The following CABLES1 variants were observed in gnomAD, a reference collection of about 807,000 sequenced individuals.
The protein encoded by CABLES1 is Cdk5 and Abl enzyme substrate 1, also known as CDK5 and ABL1 enzyme substrate 1.
A neutral mutation model predicts 57.8 loss-of-function variants in CABLES1; 36 were observed. The observed-to-expected ratio is 0.62, with a 90% confidence interval of 0.48 to 0.82. The LOEUF (loss-of-function observed/expected upper bound fraction) is 0.82, where lower values mean the gene tolerates loss of function less well. Ranked by LOEUF, CABLES1 falls within the 40% of genes least tolerant of loss-of-function variation. CABLES1 has a pLI of 0.00. For missense variants in CABLES1, 767 were observed against 836.6 expected, an observed-to-expected ratio of 0.92 and a Z score of 1.03; for synonymous variants, 374 against 363.0, an observed-to-expected ratio of 1.03 and a Z score of -0.35.
rs765151426 is a variant in CABLES1 at position 23,194,523 on chromosome 18, C to T, written c.993C>T (p.His331=). Residue 331 remains histidine, a synonymous_variant, in exon 3 of 10, where the codon CAC becomes CAT. Coordinates refer to ENST00000256925, the MANE Select transcript of CABLES1 (RefSeq NM_001100619.3). ...KIHFIKNMRQ[H]DTRNGRIVLI... ...ATTTTATCAAGAACATGCGGCAACA[C>T]GATACCAGGAATGGCAGGTACTACA... is the stretch of plus-strand genomic sequence containing the variant. 14 of 1,611,290 alleles carry T rather than the reference C, an allele frequency of 8.7e-6. No homozygotes were observed. The highest frequency in any genetic ancestry group is 6.6e-5 in the South Asian group (6 of 91,014).
chr18:23,253,367 C>T (rs1341326506), intron 8 of CABLES1, among the ~76,000 whole-genome samples: 2 of 152,170 alleles, frequency 1.3e-5, no homozygotes, highest in African/African-American at 4.8e-5. Context: ...CCTGTAAGCA[C>T]AGCTACTTGG....
At chr18:23,236,096 G>C in intron 6 of CABLES1, 45 bp downstream of exon 6, 1 of 1,595,102 alleles carries the variant, frequency 6.3e-7, no homozygotes, top group Non-Finnish European at 8.6e-7. Context: ...GTGGGAGGGA[G>C]GTGCCTCCAT....
At chr18:23,194,321 C>T (rs2047266196) in intron 2 of CABLES1, 127 bp from the exon 3 acceptor site, 16 of 605,466 alleles carry the variant, frequency 2.6e-5, no homozygotes, top group South Asian at 1.9e-4. Flanking sequence ...ATTATCCTCG[C>T]GGACTCCTGC....
chr18:23,245,314 C>T (rs1312169292), intron 7 of CABLES1, among the ~76,000 whole-genome samples: 1 of 152,074 alleles, frequency 6.6e-6, no homozygotes, highest in African/African-American at 2.4e-5. Flanking sequence ...TGGAGACCAG[C>T]CTAGCCAACA....
intron 1 of CABLES1, among the ~76,000 whole-genome samples, chr18:23,184,589 G>A (rs1464516435): frequency 6.6e-6 from 1 of 152,082 alleles, no homozygotes; most frequent in African/African-American, 2.4e-5. Flanking sequence ...TGTAATCCCA[G>A]CTACTCGAGA....
At chr18:23,254,974 T>G (rs528624279) in intron 9 of CABLES1, among the ~76,000 whole-genome samples, 68 of 152,298 alleles carry the variant, frequency 4.5e-4, no homozygotes, top group African/African-American at 1.6e-3. Context: ...GAGCCTTGAT[T>G]GTGGTTTTCA....
At position 23,253,637 on chromosome 18, in the gene CABLES1, AAG is replaced by A. The variant is rs1247087644; in HGVS notation, c.1554-88_1554-87del. 13 of 1,076,986 alleles carry A rather than the reference AAG, an allele frequency of 1.2e-5. No homozygotes were observed. The East Asian group carries it at 2.8e-4, about 24-fold the overall frequency. The allele number at this position is 1,076,986 out of a possible 1,614,324, so 66.7% of individuals were successfully genotyped here. On this transcript the variant is annotated intron_variant, in intron 8 of 9. Transcript: ENST00000256925. ...TCCAGATCACCCTCTGGGAAAGAGA[AAG>A]AGAAAAAGCATTCAAGATGGGGGAG...
intron 3 of CABLES1, among the ~76,000 whole-genome samples, chr18:23,208,169 T>TG (rs2047377995): frequency 6.6e-6 from 1 of 152,210 alleles, no homozygotes; most frequent in South Asian, 2.1e-4. Context: ...GCTCCGGCCC[T>TG]GGATTAGCAT....
intron 1 of CABLES1, among the ~76,000 whole-genome samples, chr18:23,175,490 C>G (rs570475404): frequency 6.6e-6 from 1 of 151,944 alleles, no homozygotes; most frequent in Non-Finnish European, 1.5e-5. Context: ...TTCTTTCTTT[C>G]TTTTTTTGCA....
intron 1 of CABLES1, among the ~76,000 whole-genome samples, chr18:23,183,527 A>G (rs1391563378): frequency 6.6e-6 from 1 of 152,364 alleles, no homozygotes; most frequent in East Asian, 1.9e-4. Context: ...TGCCTTACGC[A>G]TGAGCATTAA....
At chr18:23,192,130 A>G (rs1482124095) in intron 2 of CABLES1, among the ~76,000 whole-genome samples, 1 of 152,182 alleles carries the variant, frequency 6.6e-6, no homozygotes, top group Non-Finnish European at 1.5e-5. Context: ...AGAACTGAGC[A>G]TGCGTCATGA....
At chr18:23,161,517 A>G (rs1178135835) in intron 1 of CABLES1, among the ~76,000 whole-genome samples, 1 of 148,276 alleles carries the variant, frequency 6.7e-6, no homozygotes, top group Non-Finnish European at 1.5e-5. Context: ...TGTGTGACCA[A>G]CACTGGACCA....
chr18:23,195,136 G>A (rs182285492), intron 3 of CABLES1, among the ~76,000 whole-genome samples: 6 of 152,306 alleles, frequency 3.9e-5, no homozygotes, highest in African/African-American at 1.4e-4. Context: ...TTATATGACC[G>A]TGATATTAAA....
At chr18:23,141,042 G>A (rs899849528) in intron 1 of CABLES1, among the ~76,000 whole-genome samples, 1 of 152,222 alleles carries the variant, frequency 6.6e-6, no homozygotes, top group African/African-American at 2.4e-5. Context: ...TGCATTTAGA[G>A]TCACTTAATC....
rs1322469989 is a variant in CABLES1 at position 23,135,604 on chromosome 18, C to T, written c.-159C>T. ...CGCCCCCATCCCCAGCACCGAGGGG[C>T]GAGCATGGCCCGCCCGCGGGGGGGC... is the stretch of plus-strand genomic sequence containing the variant. On this transcript the variant is annotated 5_prime_UTR_variant, in exon 1 of 10. Coordinates refer to ENST00000256925, the MANE Select transcript of CABLES1 (RefSeq NM_001100619.3). 2.6e-6 allele frequency: 1 copy of T among 391,298 alleles called. No individual in the cohort carries two copies. Among genetic ancestry groups the T allele is most frequent in the Non-Finnish European group, 3.5e-6 (1 of 288,604 alleles). 24.2% of individuals were successfully genotyped at this position (391,298 alleles called of 1,614,324 possible).
chr18:23,184,559 T>C (rs1016330604), intron 1 of CABLES1, among the ~76,000 whole-genome samples: 1 of 151,928 alleles, frequency 6.6e-6, no homozygotes, highest in African/African-American at 2.4e-5. Context: ...AAAAATTAGC[T>C]GGGTGTGGTC....
chr18:23,190,389 T>C (rs549520541), intron 2 of CABLES1: 35 of 152,318 alleles, frequency 2.3e-4, no homozygotes, highest in Admixed American at 1.4e-3. Flanking sequence ...GTGGCCACTG[T>C]GAGCCGAAGG....
intron 4 of CABLES1, among the ~76,000 whole-genome samples, chr18:23,216,087 A>G (rs1305513561): frequency 6.6e-6 from 1 of 152,218 alleles, no homozygotes; most frequent in African/African-American, 2.4e-5. Flanking sequence ...GGAGATACCC[A>G]GTCAAGCAAT....
At chr18:23,238,889 C>T (rs1255268540) in intron 7 of CABLES1, among the ~76,000 whole-genome samples, 1 of 152,156 alleles carries the variant, frequency 6.6e-6, no homozygotes, top group Non-Finnish European at 1.5e-5. Flanking sequence ...CTGCCGACCT[C>T]GGGGTTGGAC....
Sources: gnomAD v4.1 joint callset for allele counts (sites outside exome capture counted in the v4.1 genomes callset) on GRCh38, gnomAD v4.1.1 for gene constraint, MANE v1.5 for transcripts, NCBI Gene and HGNC (gene_info 2026-07-23, HGNC 2026-07-21) for gene names.